The following ARAP1 variants were observed in gnomAD, a reference collection of about 807,000 sequenced individuals.
ARAP1 encodes ArfGAP with RhoGAP domain, ankyrin repeat and PH domain 1, also known as arf-GAP with Rho-GAP domain, ANK repeat and PH domain-containing protein 1.
ARAP1 carries 76 observed loss-of-function variants against 172.2 expected under a neutral mutation model. That is an observed-to-expected ratio of 0.44 (90% confidence interval 0.37 to 0.53). The LOEUF is 0.53. Among genes scored for constraint, ARAP1 ranks in the 20% least tolerant of loss-of-function variants. The pLI is 0.00. For synonymous variants in ARAP1, 804 were observed against 803.3 expected, an observed-to-expected ratio of 1.00 and a Z score of -0.01; for missense variants, 1,686 against 1,977.5, an observed-to-expected ratio of 0.85 and a Z score of 2.80.
intron 22 of ARAP1, 68 bp from the exon 23 acceptor site, chr11:72,696,722 G>T: frequency 7.4e-7 from 1 of 1,354,056 alleles, no homozygotes; most frequent in South Asian, 1.4e-5. Flanking sequence ...CGCCTGGGCT[G>T]CTGTGCCTCT....
chr11:72,746,336 A>G (rs958265525), intron 1 of ARAP1, among the ~76,000 whole-genome samples: 3 of 152,168 alleles, frequency 2.0e-5, no homozygotes, highest in African/African-American at 7.2e-5. Context: ...GGGGTGGTAG[A>G]TGCAGGGAGC....
intron 1 of ARAP1, among the ~76,000 whole-genome samples, chr11:72,750,189 A>C (rs1239946447): frequency 6.6e-6 from 1 of 152,188 alleles, no homozygotes; most frequent in African/African-American, 2.4e-5. Flanking sequence ...GGTGAACAAG[A>C]ATCACCAGCC....
At chr11:72,691,732 G>A (rs1855940303) in intron 30 of ARAP1, among the ~76,000 whole-genome samples, 1 of 152,128 alleles carries the variant, frequency 6.6e-6, no homozygotes, top group South Asian at 2.1e-4. Context: ...AGCTGTGGGA[G>A]CTCAGGCTAG....
At chr11:72,692,832 G>T in intron 29 of ARAP1, 47 bp from the exon 30 acceptor site, 1 of 1,609,686 alleles carries the variant, frequency 6.2e-7, no homozygotes, top group Non-Finnish European at 8.5e-7. Context: ...CAGGTCTAGA[G>T]CCAGGACAGC....
chr11:72,723,032 G>A lies in ARAP1; in HGVS notation c.509+3588C>T, dbSNP rs540816696. 1.1e-4 allele frequency among the ~76,000 whole-genome samples: 16 copies of A among 152,306 alleles called. No homozygotes were observed. In the South Asian group the frequency reaches 3.3e-3, roughly 32 times the overall value. ...GTTTAAATTAATGGTAGGGTGCCGA[G>A]TGCAGTGGCTCACACCTGTAATCCC... is the stretch of plus-strand genomic sequence containing the variant. On this transcript the variant is annotated intron_variant, in intron 3 of 34. Transcript: ENST00000393609.
chr11:72,688,376 ACC>A, intron 31 of ARAP1, 77 bp downstream of exon 31: 1 of 1,343,816 alleles, frequency 7.4e-7, no homozygotes, highest in Non-Finnish European at 1.0e-6. Flanking sequence ...CAAATTAAAA[ACC>A]CCAGCTGTGC....
At chr11:72,704,370 G>C in intron 13 of ARAP1, 36 bp from the exon 14 acceptor site, 1 of 1,516,812 alleles carries the variant, frequency 6.6e-7, no homozygotes, top group Non-Finnish European at 8.8e-7. Flanking sequence ...CGGGCCAGCT[G>C]ACAGCCAGGG....
rs772798022 is a variant in ARAP1, at chr11:72,698,115, G to C, written c.2542-9C>G. On this transcript the variant is annotated splice_polypyrimidine_tract_variant and intron_variant, in intron 18 of 34. Coordinates refer to ENST00000393609, the MANE Select transcript of ARAP1 (RefSeq NM_001040118.3). ...AGGGGAGGCACGAATGCCTGGCAGAGAGGCGCCGGGGGAGACAGCATCAGC... is the reference window on the plus strand; with the variant it reads ...AGGGGAGGCACGAATGCCTGGCAGACAGGCGCCGGGGGAGACAGCATCAGC... The C allele has an allele frequency of 1.2e-5, 19 of 1,579,982 alleles. No individual in the cohort carries two copies. Among genetic ancestry groups the C allele is most frequent in the Non-Finnish European group, 1.5e-5 (17 of 1,163,504 alleles).
rs1002118474 is a variant in ARAP1, at chr11:72,710,154, C to G, written c.1417-178G>C. Among the ~76,000 whole-genome samples, 10 of 150,896 alleles carry G rather than the reference C, an allele frequency of 6.6e-5. No individual in the cohort carries two copies. Among genetic ancestry groups the G allele is most frequent in the African/African-American group, 2.2e-4 (9 of 40,926 alleles). ...AGGGGCTGCAGGTTCAGGGCCCACA[C>G]AGCAATGAACAGAGGTGCGGGGGAG... On this transcript the variant is annotated intron_variant, in intron 10 of 34. Transcript: ENST00000393609. This position sits in a 1 kb window ranked among gnomAD's most constrained non-coding sequence, Gnocchi z 4.3.
chr11:72,696,607 C>G lies in ARAP1; in HGVS notation c.3214G>C (p.Val1072Leu). The change falls in exon 23 of 35, where the codon GTG (valine) becomes CTG (leucine). Residue 1072 changes from valine to leucine, a missense_variant. By Grantham distance (32) the Val-to-Leu change is conservative. This residue lies in a region of ARAP1 where 274 missense variants were observed against 262.7 expected (regional missense o/e 1.04). Transcript: ENST00000393609. ...EKVSRYRELLVRLPPVNRATV... is the reference protein window; with the variant it reads ...EKVSRYRELLLRLPPVNRATV... ...GCCCGGTTGACAGGGGGCAGCCGCA[C>G]CAGCAGCTCTCGGTACCTGGAGACC... is the stretch of plus-strand genomic sequence containing the variant. The G allele has an allele frequency of 6.2e-7, 1 of 1,606,590 alleles. No homozygotes were observed.
Position 72,686,330 on chromosome 11 carries a change from G to T in ARAP1, c.4186-139C>A, listed in dbSNP as rs562734334. The T allele has an allele frequency of 5.1e-6, 6 of 1,178,426 alleles. No individual in the cohort carries two copies. The African/African-American group carries it at 9.3e-5, about 18-fold the overall frequency. 73.0% of individuals were successfully genotyped at this position (1,178,426 alleles called of 1,614,324 possible). On this transcript the variant is annotated intron_variant, in intron 33 of 34. Transcript: ENST00000393609. ...TCAGCTTTGATCCCCGCCGATATGA[G>T]AAGCAGCTGTGGGGAGAACATGACT... is the stretch of plus-strand genomic sequence containing the variant.
chr11:72,707,707 C>T (rs1006154052), intron 11 of ARAP1, among the ~76,000 whole-genome samples: 1 of 152,068 alleles, frequency 6.6e-6, no homozygotes, highest in African/African-American at 2.4e-5. Flanking sequence ...ACAGAGGGAA[C>T]AGCATGTGCA....
Position 72,711,060 on chromosome 11 carries a change from T to C in ARAP1, c.1174A>G (p.Thr392Ala), listed in dbSNP as rs1170390145. The change falls in exon 9 of 35, where the codon ACA (threonine) becomes GCA (alanine). Residue 392 changes from threonine (T) to alanine (A), a missense_variant. By Grantham distance (58) the Thr-to-Ala change is moderately conservative (BLOSUM62 0). Transcript: ENST00000393609. ...CGGAAGGCAAAGGTTCGGTTGTTTG[T>C]GATCACTTCAAACTTCTGGTCCCCG... The part of the protein sequence containing the change: ...AIGDQKFEVI[T>A]NNRTFAFRAE... The C allele has an allele frequency of 1.9e-6, 3 of 1,614,104 alleles. No homozygotes were observed. Among genetic ancestry groups the C allele is most frequent in the Non-Finnish European group, 2.5e-6 (3 of 1,180,054 alleles).
At chr11:72,708,440 G>A (rs1409106922) in intron 11 of ARAP1, 1 of 153,696 alleles carries the variant, frequency 6.5e-6, no homozygotes, top group East Asian at 1.8e-4. Flanking sequence ...GAACGGACAG[G>A]CCTCTCAGAC....
intron 3 of ARAP1, among the ~76,000 whole-genome samples, chr11:72,718,785 T>C (rs999834507): frequency 6.6e-6 from 1 of 152,158 alleles, no homozygotes; most frequent in Middle Eastern, 3.4e-3. Context: ...TTAGGTGACA[T>C]GGTGGGTAGG....
At chr11:72,703,415 G>GGGTGGC (rs1555013480) in intron 14 of ARAP1, 1 of 145,218 alleles carries the variant, frequency 6.9e-6, no homozygotes, top group Non-Finnish European at 1.5e-5. Flanking sequence ...AGCCGGGGGG[G>GGGTGGC]GGGTGTGCTT....
In ARAP1 at chr11:72,738,529, G is replaced by T. The variant is rs527677626; in HGVS notation, c.-127-5932C>A. Among the ~76,000 whole-genome samples the T allele has an allele frequency of 1.2e-3, 184 of 152,154 alleles. 2 individuals carry two copies. Among genetic ancestry groups the T allele is most frequent in the Non-Finnish European group, 1.5e-3 (104 of 67,964 alleles). On this transcript the variant is annotated intron_variant, in intron 1 of 34. Coordinates refer to ENST00000393609, the MANE Select transcript of ARAP1 (RefSeq NM_001040118.3). Reference sequence around the variant, plus strand: ...TATGGGGAGCAAGGAGGGGAGGAAGGCAGGCTAGGGGTCCTAACTGAGGCC... The same window carrying T: ...TATGGGGAGCAAGGAGGGGAGGAAGTCAGGCTAGGGGTCCTAACTGAGGCC...
chr11:72,720,483 G>T (rs1324660554), intron 3 of ARAP1, among the ~76,000 whole-genome samples: 1 of 152,162 alleles, frequency 6.6e-6, no homozygotes, highest in Non-Finnish European at 1.5e-5. Context: ...TTCTGCACAA[G>T]CCGGGAGCCC....
rs1032060135 is a variant in ARAP1, at chr11:72,703,416, G to C, written c.1993-337C>G. On this transcript the variant is annotated intron_variant, in intron 14 of 34. Transcript: ENST00000393609. ...CTGCCTTGTGGAGGAGCCGGGGGGG[G>C]GGTGTGCTTTGTAGCTAATTCCTCC... 27 of 110,398 alleles carry C rather than the reference G, an allele frequency of 2.4e-4. 1 individual carries two copies. In the South Asian group the frequency reaches 3.5e-3, roughly 14 times the overall value. The allele number at this position is 110,398 out of a possible 1,614,324, so 6.8% of individuals were successfully genotyped here.
Sources: allele counts gnomAD v4.1 joint callset (sites outside exome capture counted in the v4.1 genomes callset), GRCh38; gene constraint gnomAD v4.1.1; regional missense constraint gnomAD v4.1.1; non-coding constraint Gnocchi (gnomAD v3.1); transcripts MANE v1.5; gene names NCBI Gene and HGNC (gene_info 2026-07-23, HGNC 2026-07-21).